ANKRD36B: variants seen among roughly 807,000 people sequenced by gnomAD.
ANKRD36B encodes the protein ankyrin repeat domain 36B.
In ANKRD36B, 37 loss-of-function variants were observed where a neutral mutation model predicts 135.7. That is an observed-to-expected ratio of 0.27 (90% CI 0.21 to 0.36). ANKRD36B has a LOEUF of 0.36. Ranked by LOEUF, ANKRD36B falls within the 10% of genes least tolerant of loss-of-function variation. ANKRD36B has a pLI of 1.00. For synonymous variants in ANKRD36B, 179 were observed against 348.1 expected (o/e 0.51, Z 5.41); for missense variants, 549 against 1,037.1 (o/e 0.53, Z 6.46).
At chr2:97,556,804 C>G in intron 12 of ANKRD36B, 133 bp downstream of exon 12, 1 of 1,408,524 alleles carries the variant, frequency 7.1e-7, no homozygotes, top group Non-Finnish European at 9.6e-7. Context: ...TGACAACTTA[C>G]TAGAAATGCA....
chr2:97,523,586 A>G lies in ANKRD36B; in HGVS notation c.2266-119T>C, dbSNP rs112612186. The G allele has an allele frequency of 5.4e-5, 38 of 709,292 alleles. No homozygotes were observed. In the African/African-American group the frequency reaches 6.0e-4, roughly 11 times the overall value. The allele number at this position is 709,292 out of a possible 1,614,324, so 43.9% of individuals were successfully genotyped here. ...GAGCACAAACACAGGTACCTGTTCC[A>G]TACTTTTTTTTTAAGCAATTTCCTT... On this transcript the variant is annotated intron_variant, in intron 35 of 43. Transcript: ENST00000359901.
chr2:97,564,291 T>A (rs12994762), intron 6 of ANKRD36B, among the ~76,000 whole-genome samples: 11 of 152,104 alleles, frequency 7.2e-5, no homozygotes, highest in African/African-American at 2.4e-4. Context: ...AGAGTCAGGA[T>A]AGCATGACTA....
At position 97,579,025 on chromosome 2, in the gene ANKRD36B, A is replaced by G; in HGVS notation, c.576T>C (p.Ala192=). ...CTATATCTTTTTCTCCAAGAGTAAC[A>G]GCAAGTATGAGGGCTGATCTAAAAT... is the stretch of plus-strand genomic sequence containing the variant. ...DYLGRSALIL[A]VTLGEKDIVI... Residue 192 remains alanine, a synonymous_variant, in exon 5 of 44, where the codon GCT becomes GCC. Transcript: ENST00000359901. The G allele has an allele frequency of 5.6e-6, 9 of 1,609,654 alleles. No individual in the cohort carries two copies. Among genetic ancestry groups the G allele is most frequent in the Non-Finnish European group, 7.6e-6 (9 of 1,177,274 alleles).
intron 10 of ANKRD36B, among the ~76,000 whole-genome samples, chr2:97,557,915 C>T (rs866878181): frequency 5.0e-4 from 76 of 151,770 alleles, no homozygotes; most frequent in African/African-American, 1.8e-3. Context: ...TTGGAAATCC[C>T]TCCAATATTC....
intron 34 of ANKRD36B, among the ~76,000 whole-genome samples, chr2:97,534,871 C>G (rs1366650377): frequency 1.0e-5 from 1 of 97,234 alleles, no homozygotes; most frequent in East Asian, 2.3e-4. Flanking sequence ...AAAGAGAAAT[C>G]TGTCCTGACA....
At chr2:97,544,951 T>A (rs1298799728) in intron 24 of ANKRD36B, among the ~76,000 whole-genome samples, 4 of 95,678 alleles carry the variant, frequency 4.2e-5, no homozygotes, top group African/African-American at 1.2e-4. Flanking sequence ...CTCAGTTTTA[T>A]AACTAAAATC....
intron 14 of ANKRD36B, 129 bp from the exon 15 acceptor site, chr2:97,553,500 T>C: frequency 8.4e-7 from 1 of 1,192,652 alleles, no homozygotes; most frequent in Non-Finnish European, 1.2e-6. Context: ...TTTTCTACTT[T>C]ATGTCTTAAG....
intron 6 of ANKRD36B, among the ~76,000 whole-genome samples, chr2:97,562,034 C>A (rs1436749745): frequency 6.6e-6 from 1 of 151,788 alleles, no homozygotes; most frequent in East Asian, 1.9e-4. Context: ...TTTAAAAAAT[C>A]ATTTTATTTA....
intron 10 of ANKRD36B, 29 bp from the exon 11 acceptor site, chr2:97,557,161 T>C (rs1483770001): frequency 6.6e-7 from 1 of 1,510,038 alleles, no homozygotes. Flanking sequence ...ATATAATTCA[T>C]CATATGTAAA....
Position 97,555,153 on chromosome 2 carries a change from A to T in ANKRD36B, c.1099-21T>A, listed in dbSNP as rs749979583. 1.6e-5 allele frequency: 25 copies of T among 1,611,548 alleles called. No homozygotes were observed. In the Admixed American group the frequency reaches 4.0e-4, roughly 26 times the overall value. On this transcript the variant is annotated intron_variant, in intron 13 of 43. Coordinates refer to ENST00000359901, the MANE Select transcript of ANKRD36B (RefSeq NM_001393939.1). Reference sequence around the variant, plus strand: ...GCAGTCTGAAAGTAATTTGAAGCAAATTATCAATAAAGAAAGTATGTTTCA... The same window carrying T: ...GCAGTCTGAAAGTAATTTGAAGCAATTTATCAATAAAGAAAGTATGTTTCA...
rs1367311206 is a variant in ANKRD36B, at chr2:97,540,976, G to A, written c.1886-747C>T. On this transcript the variant is annotated intron_variant, in intron 28 of 43. Transcript: ENST00000359901. Reference sequence around the variant, plus strand: ...TCTACAAAGTAAAACTGCTACAAGCGTTAGATATTAATATGTTTTACATTC... The same window carrying A: ...TCTACAAAGTAAAACTGCTACAAGCATTAGATATTAATATGTTTTACATTC... Among the ~76,000 whole-genome samples, 17 of 95,854 alleles carry A rather than the reference G, an allele frequency of 1.8e-4. 6 individuals carry two copies. The highest frequency in any genetic ancestry group is 5.6e-4 in the Admixed American group (6 of 10,684). 62.9% of individuals were successfully genotyped at this position (95,854 alleles called of 152,430 possible).
intron 6 of ANKRD36B, among the ~76,000 whole-genome samples, chr2:97,575,077 T>A (rs2082138592): frequency 6.6e-6 from 1 of 151,468 alleles, no homozygotes; most frequent in Non-Finnish European, 1.5e-5. Context: ...TGAGTAATCT[T>A]ACTTGTTAGA....
Position 97,585,277 on chromosome 2 carries a change from T to C in ANKRD36B, c.276+7A>G, listed in dbSNP as rs766416572. 1.3e-6 allele frequency: 2 copies of C among 1,588,696 alleles called. No homozygotes were observed. On this transcript the variant is annotated splice_region_variant and intron_variant, in intron 2 of 43. Coordinates refer to ENST00000359901, the MANE Select transcript of ANKRD36B (RefSeq NM_001393939.1). ...ATCTCATGCTCAAAGAGTCAGCTACTATGTACCTTGATCAGAGGTGTCCTG... is the reference window on the plus strand; with the variant it reads ...ATCTCATGCTCAAAGAGTCAGCTACCATGTACCTTGATCAGAGGTGTCCTG...
intron 1 of ANKRD36B, among the ~76,000 whole-genome samples, chr2:97,587,240 A>C (rs2083072292): frequency 6.6e-6 from 1 of 152,158 alleles, no homozygotes; most frequent in African/African-American, 2.4e-5. Flanking sequence ...TCTTTGCAAG[A>C]TTTATATTTC....
In ANKRD36B at chr2:97,560,407, G is replaced by A. The variant is rs568128253; in HGVS notation, c.865+258C>T. ...AAAGTAAAATTATGCTGCTCCCTTA[G>A]CCTGGTATGTGTTGAACTGCTCTCC... On this transcript the variant is annotated intron_variant, in intron 8 of 43. Transcript: ENST00000359901. Among the ~76,000 whole-genome samples the A allele has an allele frequency of 4.0e-5, 6 of 151,874 alleles. No homozygotes were observed. The East Asian group carries it at 1.2e-3, about 30-fold the overall frequency.
intron 35 of ANKRD36B, among the ~76,000 whole-genome samples, chr2:97,527,176 G>T (rs2078262376): frequency 5.2e-5 from 5 of 96,018 alleles, no homozygotes; most frequent in Admixed American, 4.6e-4. Context: ...TACCCACAAA[G>T]GGAAGCCCAT....
chr2:97,560,358 T>A (rs2080910077), intron 8 of ANKRD36B, among the ~76,000 whole-genome samples: 1 of 151,916 alleles, frequency 6.6e-6, no homozygotes, highest in Non-Finnish European at 1.5e-5. Context: ...CTTTCCCCTC[T>A]TGATGGAAAC....
rs1362782465 is a variant in ANKRD36B, at chr2:97,530,130, C to T, written c.2265+2181G>A. On this transcript the variant is annotated intron_variant, in intron 35 of 43. Transcript: ENST00000359901. The stretch of plus-strand genomic sequence containing the variant: ...TAAGCCAAAAGAACAAAGCTGGAGG[C>T]ATCACACTACCTGACTTCAAACTAT... 3.1e-5 allele frequency among the ~76,000 whole-genome samples: 3 copies of T among 96,026 alleles called. 1 individual carries two copies. The highest frequency in any genetic ancestry group is 8.3e-5 in the Non-Finnish European group (3 of 36,202). The allele number at this position is 96,026 out of a possible 152,430, so 63.0% of individuals were successfully genotyped here. A position where few individuals can be genotyped will look rare whatever the true frequency, so the allele number is the denominator to read the frequency against.
intron 1 of ANKRD36B, among the ~76,000 whole-genome samples, chr2:97,586,130 C>T (rs2082969096): frequency 6.6e-6 from 1 of 151,826 alleles, no homozygotes; most frequent in Non-Finnish European, 1.5e-5. Flanking sequence ...ATAATTGGCA[C>T]CTAAATGAAG....
Sources: allele counts gnomAD v4.1 joint callset (sites outside exome capture counted in the v4.1 genomes callset), GRCh38; gene constraint gnomAD v4.1.1; transcripts MANE v1.5; gene names NCBI Gene and HGNC (gene_info 2026-07-23, HGNC 2026-07-21).